Variants in CD2AP observed in about 807,000 individuals in gnomAD.
CD2AP encodes the protein CD2-associated protein.
CD2AP carries 46 observed loss-of-function variants against 85.1 expected under a neutral mutation model. The ratio of observed to expected loss-of-function variants is 0.54; its 90% CI spans 0.43 to 0.69. CD2AP has a LOEUF of 0.69. Ranked by LOEUF, CD2AP falls within the 30% of genes least tolerant of loss-of-function variation. CD2AP has a pLI of 0.00. For missense variants in CD2AP, 769 were observed against 729.5 expected, an observed-to-expected ratio of 1.05 and a Z score of -0.62; for synonymous variants, 255 against 252.9, an observed-to-expected ratio of 1.01 and a Z score of -0.08.
At position 47,477,947 on chromosome 6, in the gene CD2AP, A is replaced by C. The variant is rs367946683; in HGVS notation, c.-298A>C. The C allele has an allele frequency of 1.2e-5, 6 of 493,706 alleles. No individual in the cohort carries two copies. Among genetic ancestry groups the C allele is most frequent in the African/African-American group, 2.2e-5 (1 of 46,124 alleles). 30.6% of individuals were successfully genotyped at this position (493,706 alleles called of 1,614,324 possible). On this transcript the variant is annotated 5_prime_UTR_variant, in exon 1 of 18. Transcript: ENST00000359314. ...GTCCCTCCCCACTGCGGGAGCGGCC[A>C]GGGTGGGAAAACCGCGGTCGGGCGG...
At chr6:47,606,109 T>TTG (rs1769262528) in intron 13 of CD2AP, 56 bp from the exon 14 acceptor site, 3 of 929,052 alleles carry the variant, frequency 3.2e-6, no homozygotes, top group Middle Eastern at 4.3e-4. Flanking sequence ...ACATTATTTT[T>TTG]TACCTTTAAA....
At position 47,579,401 on chromosome 6, in the gene CD2AP, G is replaced by A; in HGVS notation, c.920G>A (p.Gly307Asp). 1 of 1,610,300 alleles carries A rather than the reference G, an allele frequency of 6.2e-7. No individual in the cohort carries two copies. The highest frequency in any genetic ancestry group is 1.3e-5 in the African/African-American group (1 of 74,900). Residue 307 changes from glycine to aspartate, a missense_variant, in exon 9 of 18, where the codon GGC becomes GAC. By Grantham distance (94) the Gly-to-Asp change is moderately conservative. Transcript: ENST00000359314. ...GCTTTTTAGGAGACTGGAGAAGCTG[G>A]CTGGTGGAGGGGCGAACTTAATGGT... ...HLISKETGEAGWWRGELNGKE... is the reference protein window; with the variant it reads ...HLISKETGEADWWRGELNGKE...
intron 6 of CD2AP, among the ~76,000 whole-genome samples, chr6:47,575,156 A>C (rs1768272200): frequency 1.3e-5 from 2 of 152,138 alleles, no homozygotes; most frequent in African/African-American, 4.8e-5. Flanking sequence ...CCTAGCTCTG[A>C]GACTATCTGG....
chr6:47,496,533 G>A (rs1048171902), intron 1 of CD2AP, among the ~76,000 whole-genome samples: 1 of 152,190 alleles, frequency 6.6e-6, no homozygotes, highest in African/African-American at 2.4e-5. Context: ...AATTATCACA[G>A]ATGTATGCAG....
chr6:47,573,734 C>A (rs1768220799), intron 5 of CD2AP, among the ~76,000 whole-genome samples: 1 of 152,038 alleles, frequency 6.6e-6, no homozygotes, highest in Admixed American at 6.5e-5. Context: ...CGTGATCTGC[C>A]AGTCTCAGCC....
chr6:47,547,866 A>C (rs949565296), intron 4 of CD2AP, among the ~76,000 whole-genome samples: 1 of 152,104 alleles, frequency 6.6e-6, no homozygotes, highest in African/African-American at 2.4e-5. Flanking sequence ...ATCAACTCCA[A>C]AAGGAGCCTT....
Position 47,489,164 on chromosome 6 carries a change from GTTTTTTTTTT to G in CD2AP, c.4+10930_4+10939del, listed in dbSNP as rs201094245. On this transcript the variant is annotated intron_variant, in intron 1 of 17. Transcript: ENST00000359314. ...TGCTTTTCATTACTGCACTCAACTA[GTTTTTTTTTT>G]TTTTTTTTTTTTTGAGAAGTCTCGC... The G allele has an allele frequency of 7.3e-3, 917 of 125,748 alleles. 10 individuals are homozygous for G. The highest frequency in any genetic ancestry group is 0.025 in the African/African-American group (847 of 33,708). The allele number at this position is 125,748 out of a possible 1,614,324, so 7.8% of individuals were successfully genotyped here. A position where few individuals can be genotyped will look rare whatever the true frequency, so the allele number is the denominator to read the frequency against.
intron 11 of CD2AP, among the ~76,000 whole-genome samples, chr6:47,592,753 G>T (rs1582601194): frequency 6.6e-6 from 1 of 152,114 alleles, no homozygotes; most frequent in Non-Finnish European, 1.5e-5. Flanking sequence ...TGAGGGGATA[G>T]GAAGGTGGTA....
In CD2AP at chr6:47,517,342, G is replaced by A. The variant is rs906433241; in HGVS notation, c.165+13902G>A. Among the ~76,000 whole-genome samples the A allele has an allele frequency of 2.0e-5, 3 of 151,886 alleles. No individual in the cohort carries two copies. The South Asian group carries it at 6.3e-4, about 32-fold the overall frequency. On this transcript the variant is annotated intron_variant, in intron 2 of 17. Coordinates refer to ENST00000359314, the MANE Select transcript of CD2AP (RefSeq NM_012120.3). ...CTGTCACCCAGGCGGGAGTGCAGTG[G>A]TGCGGTGCGATCACAGCTCGCTGCA...
intron 17 of CD2AP, among the ~76,000 whole-genome samples, chr6:47,620,706 G>A (rs1048858122): frequency 6.6e-6 from 1 of 151,938 alleles, no homozygotes; most frequent in Non-Finnish European, 1.5e-5. Context: ...CATTTGTGCT[G>A]TCTGTGATTT....
rs60486147 is a variant in CD2AP at position 47,624,679 on chromosome 6, CTGTGTG to C, written c.*490_*495del. On this transcript the variant is annotated 3_prime_UTR_variant, in exon 18 of 18. Coordinates refer to ENST00000359314, the MANE Select transcript of CD2AP (RefSeq NM_012120.3). ...CCATAATGCATAAGGGATATAAACT[CTGTGTG>C]TGTGTGTGTGTGTGTGTGTGTGTGT... is the stretch of plus-strand genomic sequence containing the variant. 1,563 of 121,424 alleles carry C rather than the reference CTGTGTG, an allele frequency of 0.013. 18 individuals are homozygous for C. Among genetic ancestry groups the C allele is most frequent in the Middle Eastern group, 0.024 (6 of 254 alleles). The allele number at this position is 121,424 out of a possible 1,614,324, so 7.5% of individuals were successfully genotyped here.
chr6:47,553,973 T>C (rs1767602562), intron 4 of CD2AP, among the ~76,000 whole-genome samples: 2 of 152,188 alleles, frequency 1.3e-5, no homozygotes, highest in African/African-American at 4.8e-5. Context: ...TTTTTCTTTT[T>C]TTGAGACAGG....
chr6:47,494,233 G>C (rs1257081248), intron 1 of CD2AP, among the ~76,000 whole-genome samples: 1 of 152,078 alleles, frequency 6.6e-6, no homozygotes, highest in Admixed American at 6.6e-5. Context: ...TTTAATATTT[G>C]CTCTAGCTGT....
rs143037743 is a variant in CD2AP, at chr6:47,515,165, T to G, written c.165+11725T>G. 9.2e-5 allele frequency among the ~76,000 whole-genome samples: 14 copies of G among 152,184 alleles called. No homozygotes were observed. In the East Asian group the frequency reaches 1.2e-3, roughly 13 times the overall value. The stretch of plus-strand genomic sequence containing the variant: ...TAGATAATTTATGATAAAAAGATAA[T>G]TAGGCAGACTACTTTGGCTGAATGA... On this transcript the variant is annotated intron_variant, in intron 2 of 17. Coordinates refer to ENST00000359314, the MANE Select transcript of CD2AP (RefSeq NM_012120.3).
intron 2 of CD2AP, among the ~76,000 whole-genome samples, chr6:47,508,623 G>A (rs1232891428): frequency 7.0e-6 from 1 of 143,518 alleles, no homozygotes; most frequent in Non-Finnish European, 1.5e-5. Context: ...TTGGCTCACT[G>A]CAACCTCTGC....
At chr6:47,603,055 T>G (rs1181516496) in intron 13 of CD2AP, among the ~76,000 whole-genome samples, 2 of 152,138 alleles carry the variant, frequency 1.3e-5, no homozygotes, top group Non-Finnish European at 2.9e-5. Flanking sequence ...ATTTCTCATT[T>G]CTTCCAGAAA....
chr6:47,502,012 G>C (rs1039953223), intron 1 of CD2AP, among the ~76,000 whole-genome samples: 2 of 152,168 alleles, frequency 1.3e-5, no homozygotes, highest in African/African-American at 4.8e-5. Context: ...CTTCAAGGTT[G>C]CACTGAAGAT....
chr6:47,624,217 T>C lies in CD2AP; in HGVS notation c.1910T>C (p.Leu637Pro), dbSNP rs201892753. The C allele has an allele frequency of 9.9e-6, 16 of 1,612,180 alleles. No individual in the cohort carries two copies. The highest frequency in any genetic ancestry group is 1.4e-5 in the Non-Finnish European group (16 of 1,178,540). The change falls in exon 18 of 18, where the codon CTG becomes CCG. Residue 637 changes from leucine to proline, a missense_variant. Physicochemically the swap from Leu to Pro is moderately conservative, Grantham distance 98. Coordinates refer to ENST00000359314, the MANE Select transcript of CD2AP (RefSeq NM_012120.3). ...MEIEKLKKAV[L>P]SS ...ATAGAGAAGCTGAAAAAAGCTGTCC[T>C]GTCTTCTTGAGTGGTGTGGACCTGG...
chr6:47,503,440 GGTAA>G lies in CD2AP; in HGVS notation c.165+4_165+7del. The G allele has an allele frequency of 6.2e-7, 1 of 1,613,004 alleles. No individual in the cohort carries two copies. The highest frequency in any genetic ancestry group is 8.5e-7 in the Non-Finnish European group (1 of 1,179,132). On this transcript the variant is annotated splice_donor_variant and splice_donor_region_variant and intron_variant, in intron 2 of 17. Coordinates refer to ENST00000359314, the MANE Select transcript of CD2AP (RefSeq NM_012120.3). LOFTEE classifies it high-confidence loss of function. The stretch of plus-strand genomic sequence containing the variant: ...GAATGTTCCCTGACAATTTCGTTAA[GGTAA>G]GTATTTTCAGTTAAATTTCTAGCTC...
Sources: gnomAD v4.1 joint callset for allele counts (sites outside exome capture counted in the v4.1 genomes callset) on GRCh38, gnomAD v4.1.1 for gene constraint, MANE v1.5 for transcripts, NCBI Gene and HGNC (gene_info 2026-07-23, HGNC 2026-07-21) for gene names.